SLC9A9: variants seen among roughly 807,000 people sequenced by gnomAD.
SLC9A9 encodes sodium/hydrogen exchanger 9.
A neutral mutation model predicts 77.8 loss-of-function variants in SLC9A9; 62 were observed. The observed-to-expected ratio is 0.80, with a 90% CI of 0.65 to 0.98. The LOEUF is 0.98. Among genes scored for constraint, SLC9A9 ranks in the 50% least tolerant of loss-of-function variants. The pLI is 0.00. For missense variants in SLC9A9, 775 were observed against 774.9 expected, an observed-to-expected ratio of 1.00 and a Z score of 0.00; for synonymous variants, 320 against 283.5, an observed-to-expected ratio of 1.13 and a Z score of -1.29.
In SLC9A9 at chr3:143,848,254, C is replaced by G. The variant is rs761343081; in HGVS notation, c.69G>C (p.Glu23Asp). The G allele has an allele frequency of 6.2e-7, 1 of 1,613,966 alleles. No homozygotes were observed. Among genetic ancestry groups the G allele is most frequent in the Non-Finnish European group, 8.5e-7 (1 of 1,179,940 alleles). Residue 23 changes from glutamate to aspartate, a missense_variant, in exon 1 of 16, where the codon GAG becomes GAC. Glu to Asp is a conservative substitution (Grantham distance 45). Coordinates refer to ENST00000316549, the MANE Select transcript of SLC9A9 (RefSeq NM_173653.4). Reference sequence around the variant, plus strand: ...TGAGCAAAAAATTGAAGACAAGCAGCTCCACCGCTCCCTGATGTTGAAACT... The same window carrying G: ...TGAGCAAAAAATTGAAGACAAGCAGGTCCACCGCTCCCTGATGTTGAAACT... ...EYQFQHQGAVELLVFNFLLIL... is the reference protein window; with the variant it reads ...EYQFQHQGAVDLLVFNFLLIL...
rs188081834 is a variant in SLC9A9 at position 143,475,962 on chromosome 3, T to C, written c.1316-8772A>G. ...GACATAATCCATTGCAATTCCTTTTTTTCCCCTTTCACTTCAAATACTCTG... is the reference window on the plus strand; with the variant it reads ...GACATAATCCATTGCAATTCCTTTTCTTCCCCTTTCACTTCAAATACTCTG... On this transcript the variant is annotated intron_variant, in intron 11 of 15. Transcript: ENST00000316549. Among the ~76,000 whole-genome samples, 12 of 135,012 alleles carry C rather than the reference T, an allele frequency of 8.9e-5. No homozygotes were observed. In the East Asian group the frequency reaches 2.3e-3, roughly 26 times the overall value. The allele number at this position is 135,012 out of a possible 152,430, so 88.6% of individuals were successfully genotyped here.
At chr3:143,820,557 C>T (rs752535319) in intron 2 of SLC9A9, among the ~76,000 whole-genome samples, 13 of 152,160 alleles carry the variant, frequency 8.5e-5, no homozygotes, top group Non-Finnish European at 1.5e-4. Flanking sequence ...CCCTTGTGGG[C>T]CTGCCATTCA....
At chr3:143,693,015 G>A (rs1428767124) in intron 5 of SLC9A9, among the ~76,000 whole-genome samples, 177 bp downstream of exon 5, 2 of 152,052 alleles carry the variant, frequency 1.3e-5, no homozygotes, top group Admixed American at 6.6e-5. Context: ...AATTTCTTTA[G>A]CACTATCAAA....
At chr3:143,656,047 A>G (rs1415126024) in intron 5 of SLC9A9, among the ~76,000 whole-genome samples, 1 of 152,192 alleles carries the variant, frequency 6.6e-6, no homozygotes, top group African/African-American at 2.4e-5. Flanking sequence ...AAGGCAGAAG[A>G]AAACTGAAGG....
chr3:143,719,135 G>T (rs1934430220), intron 4 of SLC9A9, among the ~76,000 whole-genome samples: 1 of 152,190 alleles, frequency 6.6e-6, no homozygotes, highest in Non-Finnish European at 1.5e-5. Flanking sequence ...AGCTTTATCT[G>T]TGGGCATTTA....
chr3:143,635,551 C>A (rs879280982), intron 6 of SLC9A9, among the ~76,000 whole-genome samples: 1 of 152,176 alleles, frequency 6.6e-6, no homozygotes, highest in African/African-American at 2.4e-5. Flanking sequence ...CCCGAAGTTG[C>A]GGATGAATTA....
chr3:143,375,435 A>G (rs2033160616), intron 13 of SLC9A9, among the ~76,000 whole-genome samples: 2 of 152,220 alleles, frequency 1.3e-5, no homozygotes, highest in Non-Finnish European at 2.9e-5. Context: ...CAGCAATGCC[A>G]ATGTATCACT....
chr3:143,646,389 T>A (rs2038708489), intron 6 of SLC9A9, among the ~76,000 whole-genome samples: 1 of 148,412 alleles, frequency 6.7e-6, no homozygotes, highest in African/African-American at 2.4e-5. Flanking sequence ...TTTGCACATA[T>A]AAATTTGGCT....
At chr3:143,758,379 A>G (rs73871645) in intron 4 of SLC9A9, among the ~76,000 whole-genome samples, 163 of 152,296 alleles carry the variant, frequency 1.1e-3, no homozygotes, top group African/African-American at 3.6e-3. Context: ...TAAATCTGGC[A>G]TCAATTCTCA....
At chr3:143,738,919 C>T (rs1337066440) in intron 4 of SLC9A9, among the ~76,000 whole-genome samples, 2 of 152,316 alleles carry the variant, frequency 1.3e-5, no homozygotes, top group East Asian at 1.9e-4. Flanking sequence ...TACCACCTTC[C>T]TAGTACACTG....
chr3:143,610,148 A>T (rs573870622), intron 6 of SLC9A9, among the ~76,000 whole-genome samples: 24 of 149,092 alleles, frequency 1.6e-4, no homozygotes, highest in African/African-American at 5.7e-4. Flanking sequence ...TCCTTTATTT[A>T]TTTTTTTTTT....
At position 143,402,762 on chromosome 3, in the gene SLC9A9, G is replaced by GTT. The variant is rs59074397; in HGVS notation, c.1470-20650_1470-20649dup. Among the ~76,000 whole-genome samples the GTT allele has an allele frequency of 4.5e-3, 623 of 138,784 alleles. 5 individuals carry two copies. Among genetic ancestry groups the GTT allele is most frequent in the Middle Eastern group, 0.015 (4 of 270 alleles). The allele number at this position is 138,784 out of a possible 152,430, so 91.0% of individuals were successfully genotyped here. A position where few individuals can be genotyped will look rare whatever the true frequency, so the allele number is the denominator to read the frequency against. On this transcript the variant is annotated intron_variant, in intron 12 of 15. Transcript: ENST00000316549. ...GTATCTTTGAATCTAGGTGAAATTA[G>GTT]TTTTTTTTTTTTTCAAATTCAGTCT...
chr3:143,480,428 G>C (rs1483058311), intron 11 of SLC9A9, among the ~76,000 whole-genome samples: 1 of 152,124 alleles, frequency 6.6e-6, no homozygotes, highest in Non-Finnish European at 1.5e-5. Context: ...AATTCATATG[G>C]GTCTACTATA....
chr3:143,271,513 GA>G (rs1242126094), intron 14 of SLC9A9, among the ~76,000 whole-genome samples: 1 of 152,176 alleles, frequency 6.6e-6, no homozygotes, highest in Non-Finnish European at 1.5e-5. Context: ...GTTTTCTGGA[GA>G]AACCGGTGTC....
intron 6 of SLC9A9, among the ~76,000 whole-genome samples, chr3:143,641,973 T>G (rs760241029): frequency 1.2e-4 from 18 of 152,228 alleles, no homozygotes. Context: ...TTATGAATGT[T>G]TCTACCAATT....
intron 14 of SLC9A9, among the ~76,000 whole-genome samples, chr3:143,301,272 T>C (rs1034152642): frequency 6.6e-6 from 1 of 152,220 alleles, no homozygotes; most frequent in Non-Finnish European, 1.5e-5. Flanking sequence ...GTCTTGGAAG[T>C]TGGTAATATT....
chr3:143,813,364 G>T (rs1469806048), intron 2 of SLC9A9, among the ~76,000 whole-genome samples: 3 of 152,168 alleles, frequency 2.0e-5, no homozygotes, highest in Non-Finnish European at 2.9e-5. Flanking sequence ...GGGAGTACTG[G>T]AAAGGCTTTA....
At chr3:143,317,979 G>A (rs1264621594) in intron 14 of SLC9A9, among the ~76,000 whole-genome samples, 2 of 152,086 alleles carry the variant, frequency 1.3e-5, no homozygotes, top group Non-Finnish European at 2.9e-5. Context: ...TGCCCACCTT[G>A]GCCTCCCAAA....
At chr3:143,387,794 A>G (rs1052246098) in intron 12 of SLC9A9, among the ~76,000 whole-genome samples, 1 of 151,812 alleles carries the variant, frequency 6.6e-6, no homozygotes, top group African/African-American at 2.4e-5. Flanking sequence ...TAAAAAAAAA[A>G]AAATGACCCA....
Sources: gnomAD v4.1 joint callset for allele counts (sites outside exome capture counted in the v4.1 genomes callset) on GRCh38, gnomAD v4.1.1 for gene constraint, MANE v1.5 for transcripts, NCBI Gene and HGNC (gene_info 2026-07-23, HGNC 2026-07-21) for gene names.